The following PAM variants were observed in gnomAD, a reference collection of about 807,000 sequenced individuals.
PAM encodes peptidyl-glycine alpha-amidating monooxygenase.
Under a neutral mutation model 122.1 loss-of-function variants are expected in PAM, and 72 were observed. The observed-to-expected ratio is 0.59, with a 90% confidence interval of 0.49 to 0.72. The LOEUF (loss-of-function observed/expected upper bound fraction) is 0.72. Ranked by LOEUF, PAM falls within the 30% of genes least tolerant of loss-of-function variation. The pLI is 0.00. For missense variants in PAM, 1,106 were observed against 1,183.7 expected (o/e 0.93, Z 0.96); for synonymous variants, 389 against 404.4 (o/e 0.96, Z 0.46).
At position 102,948,242 on chromosome 5, in the gene PAM, T is replaced by C. The variant is rs1757646994; in HGVS notation, c.576-136T>C. ...AAAAGTATTTTTTAAGGAAGAAAAA[T>C]TTTTCCTCTTTTTCTACTTCAATTT... On this transcript the variant is annotated intron_variant, in intron 8 of 25. Coordinates refer to ENST00000438793, the MANE Select transcript of PAM (RefSeq NM_001177306.2). 8 of 531,420 alleles carry C rather than the reference T, an allele frequency of 1.5e-5. No individual in the cohort carries two copies. The South Asian group carries it at 2.3e-4, about 15-fold the overall frequency. 32.9% of individuals were successfully genotyped at this position (531,420 alleles called of 1,614,324 possible).
intron 1 of PAM, among the ~76,000 whole-genome samples, chr5:102,860,137 T>C (rs1783765342): frequency 1.3e-5 from 2 of 152,176 alleles, no homozygotes; most frequent in Admixed American, 1.3e-4. Context: ...AAAGCAACTA[T>C]CTAGGGCAAA....
At chr5:102,940,080 T>G (rs1376789805) in intron 7 of PAM, among the ~76,000 whole-genome samples, 3 of 149,442 alleles carry the variant, frequency 2.0e-5, no homozygotes, top group Non-Finnish European at 3.0e-5. Context: ...AGAATTCCAA[T>G]GGGAATGAAA....
intron 24 of PAM, among the ~76,000 whole-genome samples, chr5:103,027,711 G>C (rs1192690509): frequency 2.0e-5 from 3 of 152,150 alleles, no homozygotes; most frequent in Non-Finnish European, 4.4e-5. Flanking sequence ...ACTGTCAGTA[G>C]AAAGAGTAAA....
At chr5:102,965,660 C>T (rs139321080) in intron 14 of PAM, among the ~76,000 whole-genome samples, 132 of 151,982 alleles carry the variant, frequency 8.7e-4, no homozygotes, top group African/African-American at 3.0e-3. Flanking sequence ...TCTTTGTGCC[C>T]TCATATAATC....
At chr5:102,918,001 T>G (rs563028853) in intron 5 of PAM, among the ~76,000 whole-genome samples, 1 of 152,218 alleles carries the variant, frequency 6.6e-6, no homozygotes, top group Admixed American at 6.5e-5. Context: ...GTTAATTATA[T>G]GCATGTGCAT....
rs191227456 is a variant in PAM, at chr5:102,985,643, G to A, written c.1484-4629G>A. ...ATCAAAGAAAAGCCCAGGACCAGAT[G>A]GTACTGCTGAATTCTACCAAAATTA... On this transcript the variant is annotated intron_variant, in intron 15 of 25. Coordinates refer to ENST00000438793, the MANE Select transcript of PAM (RefSeq NM_001177306.2). Among the ~76,000 whole-genome samples, 21 of 151,992 alleles carry A rather than the reference G, an allele frequency of 1.4e-4. No homozygotes were observed. In the East Asian group the frequency reaches 3.5e-3, roughly 25 times the overall value.
chr5:102,841,342 G>A (rs983126608), intron 1 of PAM, among the ~76,000 whole-genome samples: 8 of 151,248 alleles, frequency 5.3e-5, no homozygotes, highest in Non-Finnish European at 1.0e-4. Flanking sequence ...TATATATTCT[G>A]GGACCCAGAA....
intron 3 of PAM, 49 bp from the exon 4 acceptor site, chr5:102,901,307 C>T: frequency 9.4e-7 from 1 of 1,064,400 alleles, no homozygotes; most frequent in Non-Finnish European, 1.4e-6. Flanking sequence ...ATTATTTCTT[C>T]CTTACTAGCA....
chr5:103,011,906 C>T (rs977846368), intron 21 of PAM, among the ~76,000 whole-genome samples: 6 of 152,196 alleles, frequency 3.9e-5, no homozygotes, highest in Non-Finnish European at 4.4e-5. Context: ...CTTTTCTCCA[C>T]ATCCTCATCA....
chr5:102,877,383 T>C (rs563054939), intron 3 of PAM, among the ~76,000 whole-genome samples: 1 of 152,336 alleles, frequency 6.6e-6, no homozygotes, highest in African/African-American at 2.4e-5. Context: ...AGAGAGTAAT[T>C]GCAACAATAT....
chr5:103,025,093 G>T, intron 23 of PAM, 38 bp from the exon 24 acceptor site: 1 of 1,462,426 alleles, frequency 6.8e-7, no homozygotes, highest in South Asian at 1.1e-5. Context: ...TGAAATCTTT[G>T]AGTCAGTTGA....
At chr5:102,799,108 C>A (rs1764070524) in intron 1 of PAM, among the ~76,000 whole-genome samples, 1 of 152,130 alleles carries the variant, frequency 6.6e-6, no homozygotes, top group African/African-American at 2.4e-5. Flanking sequence ...GGTGATGCAA[C>A]CATTGCTAAA....
intron 1 of PAM, among the ~76,000 whole-genome samples, chr5:102,758,062 C>A (rs1402457220): frequency 6.9e-5 from 5 of 72,706 alleles, no homozygotes; most frequent in East Asian, 3.4e-4. Flanking sequence ...AAAAAAAAGA[C>A]TTAGAATTTT....
intron 1 of PAM, among the ~76,000 whole-genome samples, chr5:102,758,952 C>A (rs894161678): frequency 6.6e-6 from 1 of 152,186 alleles, no homozygotes; most frequent in Admixed American, 6.5e-5. Context: ...TAACTTTTTT[C>A]ATTCATTTAT....
chr5:102,831,898 C>T (rs1041519646), intron 1 of PAM, among the ~76,000 whole-genome samples: 9 of 151,934 alleles, frequency 5.9e-5, no homozygotes, highest in Admixed American at 1.3e-4. Flanking sequence ...CTCTCTCCCC[C>T]GCCCGCCCCT....
intron 1 of PAM, among the ~76,000 whole-genome samples, chr5:102,826,700 T>C (rs1173199561): frequency 1.3e-5 from 2 of 152,216 alleles, no homozygotes; most frequent in Non-Finnish European, 2.9e-5. Flanking sequence ...TGTTTCTGAA[T>C]GTTGTAGCTA....
At chr5:103,009,124 C>T (rs1312096402) in intron 20 of PAM, among the ~76,000 whole-genome samples, 5 of 151,932 alleles carry the variant, frequency 3.3e-5, no homozygotes, top group African/African-American at 1.2e-4. Flanking sequence ...TTTCATTGTT[C>T]TGAATAAACA....
rs1001586453 is a variant in PAM, at chr5:103,029,505, T to G, written c.*440T>G. ...CAGTAAAGAGAAACTTTGTGCTACA[T>G]GACGACAAAGCTGCTAAATCTCCTA... On this transcript the variant is annotated 3_prime_UTR_variant, in exon 26 of 26. Coordinates refer to ENST00000438793, the MANE Select transcript of PAM (RefSeq NM_001177306.2). 3 of 153,882 alleles carry G rather than the reference T, an allele frequency of 1.9e-5. No homozygotes were observed. The highest frequency in any genetic ancestry group is 7.2e-5 in the African/African-American group (3 of 41,520). The allele number at this position is 153,882 out of a possible 1,614,324, so 9.5% of individuals were successfully genotyped here. A position where few individuals can be genotyped will look rare whatever the true frequency, so the allele number is the denominator to read the frequency against.
intron 24 of PAM, among the ~76,000 whole-genome samples, chr5:103,027,789 T>C (rs1785388981): frequency 6.6e-6 from 1 of 152,152 alleles, no homozygotes; most frequent in Non-Finnish European, 1.5e-5. Context: ...ATTAATAACA[T>C]TTCCTGATTA....
Sources: allele counts gnomAD v4.1 joint callset (sites outside exome capture counted in the v4.1 genomes callset), GRCh38; gene constraint gnomAD v4.1.1; transcripts MANE v1.5; gene names NCBI Gene and HGNC (gene_info 2026-07-23, HGNC 2026-07-21).